RTN1: variants seen among roughly 807,000 people sequenced by gnomAD.
The protein encoded by RTN1 is reticulon 1, also known as reticulon-1.
Under a neutral mutation model 65.5 loss-of-function variants are expected in RTN1, and 25 were observed. The ratio of observed to expected loss-of-function variants is 0.38; its 90% CI spans 0.28 to 0.53. RTN1 has a LOEUF of 0.53. RTN1 is among the 20% of genes least tolerant of loss of function. RTN1 has a pLI of 0.79. For missense variants in RTN1, 983 were observed against 1,025.4 expected (o/e 0.96, Z 0.57); for synonymous variants, 471 against 447.6 (o/e 1.05, Z -0.66).
rs144489127 is a variant in RTN1 at position 59,807,459 on chromosome 14, T to C, written c.242-60978A>G. On this transcript the variant is annotated intron_variant, in intron 1 of 8. Coordinates refer to ENST00000267484, the MANE Select transcript of RTN1 (RefSeq NM_021136.3). ...CCCACAAAAGATTCAAACATCTGCC[T>C]CACTCAGAGGAATTCAACAGCCTTT... Among the ~76,000 whole-genome samples the C allele has an allele frequency of 3.3e-3, 508 of 152,338 alleles. 5 individuals are homozygous for C. The highest frequency in any genetic ancestry group is 0.012 in the African/African-American group (479 of 41,578).
chr14:59,833,997 T>C (rs1329656589), intron 1 of RTN1, among the ~76,000 whole-genome samples: 2 of 152,182 alleles, frequency 1.3e-5, no homozygotes, highest in Non-Finnish European at 2.9e-5. Context: ...CTCAAGAGCA[T>C]ATGGTGTTTG....
chr14:59,611,610 G>T (rs915565553), intron 3 of RTN1, among the ~76,000 whole-genome samples: 2 of 152,140 alleles, frequency 1.3e-5, no homozygotes, highest in African/African-American at 4.8e-5. Flanking sequence ...CCACCATGGG[G>T]TGTCTGTGTC....
chr14:59,749,739 A>G (rs1180134296), intron 1 of RTN1, among the ~76,000 whole-genome samples: 2 of 104,258 alleles, frequency 1.9e-5, no homozygotes, highest in Non-Finnish European at 3.3e-5. Flanking sequence ...ATATTTATAT[A>G]TATATCTATA....
intron 3 of RTN1, among the ~76,000 whole-genome samples, chr14:59,622,714 T>C (rs540740257): frequency 6.6e-6 from 1 of 152,246 alleles, no homozygotes; most frequent in African/African-American, 2.4e-5. Context: ...CAGAAGTAGA[T>C]GTAAACATAG....
At chr14:59,749,190 A>ATATATATC (rs1566711048) in intron 1 of RTN1, among the ~76,000 whole-genome samples, 3 of 85,784 alleles carry the variant, frequency 3.5e-5, no homozygotes, top group Admixed American at 2.9e-4. Flanking sequence ...ATATCTATCT[A>ATATATATC]TATATATCTA....
intron 3 of RTN1, among the ~76,000 whole-genome samples, chr14:59,659,230 T>C (rs547130696): frequency 1.3e-5 from 2 of 150,110 alleles, no homozygotes; most frequent in African/African-American, 4.9e-5. Flanking sequence ...CTAAGAAATA[T>C]GGGACTATGT....
At chr14:59,639,031 C>G (rs557756435) in intron 3 of RTN1, among the ~76,000 whole-genome samples, 1 of 152,144 alleles carries the variant, frequency 6.6e-6, no homozygotes, top group African/African-American at 2.4e-5. Context: ...TCCTTTCACT[C>G]GAACACTTAG....
Position 59,745,920 on chromosome 14 carries a change from G to A in RTN1, c.803C>T (p.Ser268Phe). 1.2e-6 allele frequency: 2 copies of A among 1,614,088 alleles called. No individual in the cohort carries two copies. Among genetic ancestry groups the A allele is most frequent in the South Asian group, 2.2e-5 (2 of 91,072 alleles). Residue 268 changes from serine to phenylalanine, a missense_variant, in exon 2 of 9, where the codon TCT (serine) becomes TTT (phenylalanine). By Grantham distance (155) the Ser-to-Phe change is radical. This residue lies in a region of RTN1 where 818 missense variants were observed against 801.8 expected (regional missense o/e 1.02). Transcript: ENST00000267484. ...CTGAGGAGCCCTGCGCTGTTCTTCA[G>A]AGAGATCATCTATGTATGGAGCAAA... is the stretch of plus-strand genomic sequence containing the variant. ...STFAPYIDDLSEEQRRAPQIT... is the reference protein window; with the variant it reads ...STFAPYIDDLFEEQRRAPQIT...
intron 1 of RTN1, among the ~76,000 whole-genome samples, chr14:59,828,336 C>A (rs1332664062): frequency 6.6e-6 from 1 of 152,174 alleles, no homozygotes; most frequent in Non-Finnish European, 1.5e-5. Context: ...GAAGAGAGAG[C>A]CTGAGACCGT....
intron 4 of RTN1, chr14:59,606,127 T>TATATA (rs1566658130): frequency 1.1e-4 from 5 of 45,346 alleles, no homozygotes; most frequent in Admixed American, 2.8e-4. Context: ...TATATATATA[T>TATATA]CATACCAGCT....
At chr14:59,756,723 C>CA (rs923258503) in intron 1 of RTN1, among the ~76,000 whole-genome samples, 30 of 152,008 alleles carry the variant, frequency 2.0e-4, no homozygotes, top group South Asian at 1.0e-3. Flanking sequence ...TGGATAATAG[C>CA]AAAAAAATGT....
intron 3 of RTN1, among the ~76,000 whole-genome samples, chr14:59,663,790 C>A (rs1160770471): frequency 6.6e-6 from 1 of 152,090 alleles, no homozygotes; most frequent in Non-Finnish European, 1.5e-5. Context: ...CCATCTCATG[C>A]CAGTTAGAAT....
intron 3 of RTN1, among the ~76,000 whole-genome samples, chr14:59,684,250 TC>T (rs35295734): frequency 6.6e-6 from 1 of 152,058 alleles, no homozygotes; most frequent in East Asian, 1.9e-4. Flanking sequence ...TTGAGGTAGT[TC>T]CTGTTATATA....
chr14:59,755,146 C>T (rs1387079345), intron 1 of RTN1, among the ~76,000 whole-genome samples: 1 of 151,894 alleles, frequency 6.6e-6, no homozygotes, highest in Non-Finnish European at 1.5e-5. Context: ...TCTTACTGCA[C>T]TGAAATGGAG....
At chr14:59,823,291 A>C (rs1405147315) in intron 1 of RTN1, among the ~76,000 whole-genome samples, 1 of 151,334 alleles carries the variant, frequency 6.6e-6, no homozygotes, top group African/African-American at 2.4e-5. Context: ...TTTTTAAATC[A>C]TCATTGGTTT....
chr14:59,630,625 A>G, intron 3 of RTN1: 1 of 1,399,660 alleles, frequency 7.1e-7, no homozygotes. Flanking sequence ...GGAGAGACTG[A>G]GGCTGCACCA....
intron 3 of RTN1, among the ~76,000 whole-genome samples, chr14:59,611,693 G>A (rs1162924115): frequency 3.3e-5 from 5 of 152,192 alleles, no homozygotes; most frequent in African/African-American, 1.2e-4. Context: ...CTAGTATGAA[G>A]AGTCTTGGTT....
chr14:59,838,795 A>G (rs777935754), intron 1 of RTN1, among the ~76,000 whole-genome samples: 5 of 152,184 alleles, frequency 3.3e-5, no homozygotes, highest in Admixed American at 6.6e-5. Context: ...AGAGGGCACA[A>G]AAAACCATAT....
intron 3 of RTN1, chr14:59,610,263 T>A: frequency 1.5e-6 from 1 of 669,514 alleles, no homozygotes; most frequent in Non-Finnish European, 2.7e-6. Flanking sequence ...CTAAGTAACA[T>A]GAGTTTGGTG....
Sources: allele counts gnomAD v4.1 joint callset (sites outside exome capture counted in the v4.1 genomes callset), GRCh38; gene constraint gnomAD v4.1.1; regional missense constraint gnomAD v4.1.1; transcripts MANE v1.5; gene names NCBI Gene and HGNC (gene_info 2026-07-23, HGNC 2026-07-21).